Variants in ADGRB3 observed in about 807,000 individuals in gnomAD.
ADGRB3 encodes adhesion G protein-coupled receptor B3.
ADGRB3 carries 37 observed loss-of-function variants against 193.4 expected under a neutral mutation model. That is an observed-to-expected ratio of 0.19 (90% CI 0.15 to 0.25). The LOEUF is 0.25. Ranked by LOEUF, ADGRB3 falls within the 10% of genes least tolerant of loss-of-function variation. The probability of loss-of-function intolerance (pLI) is 1.00; values close to 1 mark genes in which losing one functional copy is unlikely to be tolerated. For synonymous variants in ADGRB3, 690 were observed against 644.2 expected, an observed-to-expected ratio of 1.07 and a Z score of -1.08; for missense variants, 1,637 against 1,852.9, an observed-to-expected ratio of 0.88 and a Z score of 2.14.
At chr6:68,817,817 T>C (rs1020273263) in intron 3 of ADGRB3, among the ~76,000 whole-genome samples, 1 of 152,188 alleles carries the variant, frequency 6.6e-6, no homozygotes, top group Non-Finnish European at 1.5e-5. Flanking sequence ...AGAAAACTTG[T>C]ATGGTAGAAT....
chr6:69,018,113 G>A (rs901843799), intron 12 of ADGRB3, among the ~76,000 whole-genome samples: 3 of 151,880 alleles, frequency 2.0e-5, no homozygotes, highest in African/African-American at 4.8e-5. Flanking sequence ...AAGAAAAGTC[G>A]TCTATTTTTT....
At chr6:69,327,697 A>C (rs1768609817) in intron 21 of ADGRB3, 123 bp from the exon 22 acceptor site, 1 of 620,322 alleles carries the variant, frequency 1.6e-6, no homozygotes, top group Non-Finnish European at 2.6e-6. Flanking sequence ...ATACCTTGTG[A>C]AGTGACTCAT....
In ADGRB3 at chr6:68,937,579, G is replaced by A. The variant is rs138594233; in HGVS notation, c.1030+899G>A. On this transcript the variant is annotated intron_variant, in intron 5 of 31. Coordinates refer to ENST00000370598, the MANE Select transcript of ADGRB3 (RefSeq NM_001704.3). ...TTCCAGGGACCTCCAAAAGGGGATG[G>A]GTGTAAAGAAAGTGACTTGCACTGC... Among the ~76,000 whole-genome samples, 13 of 152,260 alleles carry A rather than the reference G, an allele frequency of 8.5e-5. No individual in the cohort carries two copies. In the East Asian group the frequency reaches 2.5e-3, roughly 29 times the overall value.
chr6:68,734,509 T>C (rs1281034876), intron 3 of ADGRB3, among the ~76,000 whole-genome samples: 1 of 151,994 alleles, frequency 6.6e-6, no homozygotes, highest in African/African-American at 2.4e-5. Flanking sequence ...AACATTGAAT[T>C]TGAGGTCATG....
chr6:69,186,178 CAAA>C (rs70987457), intron 17 of ADGRB3, among the ~76,000 whole-genome samples: 95 of 107,434 alleles, frequency 8.8e-4, no homozygotes, highest in African/African-American at 2.7e-3. Context: ...AATGAAATAG[CAAA>C]AAAAAAAAAA....
intron 17 of ADGRB3, among the ~76,000 whole-genome samples, chr6:69,160,740 G>C (rs1774962961): frequency 1.3e-5 from 2 of 151,974 alleles, no homozygotes; most frequent in African/African-American, 4.8e-5. Context: ...AATGTTTATA[G>C]GCATATAATA....
At chr6:68,849,227 T>A (rs1768348582) in intron 3 of ADGRB3, among the ~76,000 whole-genome samples, 1 of 152,010 alleles carries the variant, frequency 6.6e-6, no homozygotes, top group South Asian at 2.1e-4. Flanking sequence ...CCTAATATAT[T>A]TGTATTAATA....
rs551358535 is a variant in ADGRB3 at position 68,782,385 on chromosome 6, G to C, written c.757+142953G>C. ...TCCAGTCTATCATTGTTGGACATTT[G>C]AGTTGGTTCCAAGTCTTTGCTATTG... On this transcript the variant is annotated intron_variant, in intron 3 of 31. Transcript: ENST00000370598. Among the ~76,000 whole-genome samples, 278 of 151,898 alleles carry C rather than the reference G, an allele frequency of 1.8e-3. 3 individuals are homozygous for C. The highest frequency in any genetic ancestry group is 6.5e-3 in the African/African-American group (268 of 41,446).
At position 68,790,225 on chromosome 6, in the gene ADGRB3, G is replaced by A. The variant is rs60915594; in HGVS notation, c.758-140334G>A. 3.6e-3 allele frequency among the ~76,000 whole-genome samples: 554 copies of A among 152,106 alleles called. 3 individuals carry two copies. Among genetic ancestry groups the A allele is most frequent in the African/African-American group, 0.012 (516 of 41,436 alleles). ...ACAGAGACAAAATTGCTAGCACAGC[G>A]TCCGAGATCAAACTGCAAGGCAGCA... On this transcript the variant is annotated intron_variant, in intron 3 of 31. Coordinates refer to ENST00000370598, the MANE Select transcript of ADGRB3 (RefSeq NM_001704.3).
chr6:69,374,449 T>G (rs1430637913), intron 30 of ADGRB3, among the ~76,000 whole-genome samples: 1 of 152,018 alleles, frequency 6.6e-6, no homozygotes, highest in East Asian at 1.9e-4. Flanking sequence ...ATGGCCAGCT[T>G]AAATATTTTG....
At chr6:68,642,796 G>A (rs1582092352) in intron 3 of ADGRB3, among the ~76,000 whole-genome samples, 3 of 147,952 alleles carry the variant, frequency 2.0e-5, no homozygotes, top group South Asian at 4.3e-4. Context: ...AACATATAAT[G>A]GCTATAACTT....
At chr6:68,955,742 G>A (rs975766039) in intron 6 of ADGRB3, among the ~76,000 whole-genome samples, 3 of 151,690 alleles carry the variant, frequency 2.0e-5, no homozygotes, top group Admixed American at 1.3e-4. Context: ...TAGTCAGCTG[G>A]GATCATGCCG....
At chr6:69,175,713 G>A (rs185717152) in intron 17 of ADGRB3, among the ~76,000 whole-genome samples, 96 of 152,170 alleles carry the variant, frequency 6.3e-4, no homozygotes, top group African/African-American at 2.2e-3. Context: ...CATTGAATTC[G>A]TAGATTGCCT....
chr6:69,061,618 T>C (rs931690713), intron 15 of ADGRB3, among the ~76,000 whole-genome samples: 2 of 152,200 alleles, frequency 1.3e-5, no homozygotes, highest in South Asian at 4.1e-4. Flanking sequence ...CTATTATTTC[T>C]AAAGGCTAAA....
At chr6:69,017,965 A>T (rs563566190) in intron 12 of ADGRB3, among the ~76,000 whole-genome samples, 114 of 152,052 alleles carry the variant, frequency 7.5e-4, no homozygotes, top group African/African-American at 2.5e-3. Context: ...CAATAACTTA[A>T]TAGTTTGTAA....
intron 3 of ADGRB3, among the ~76,000 whole-genome samples, chr6:68,869,966 A>T (rs1765410909): frequency 6.6e-6 from 1 of 152,114 alleles, no homozygotes; most frequent in South Asian, 2.1e-4. Context: ...TTTAGTAGAG[A>T]CGGGATTTCA....
intron 20 of ADGRB3, among the ~76,000 whole-genome samples, chr6:69,261,180 C>A (rs746733623): frequency 7.2e-5 from 11 of 152,232 alleles, no homozygotes; most frequent in African/African-American, 9.6e-5. Context: ...ATAGCTGCGG[C>A]CTTTCTTAAT....
intron 3 of ADGRB3, among the ~76,000 whole-genome samples, chr6:68,901,748 A>T (rs1766399540): frequency 6.6e-6 from 1 of 152,210 alleles, no homozygotes; most frequent in Non-Finnish European, 1.5e-5. Flanking sequence ...AATTCTTGTA[A>T]AATAATCTTA....
rs888798341 is a variant in ADGRB3, at chr6:68,829,636, C to T, written c.758-100923C>T. ...TTTTTAACAAAACCATATTATTACT[C>T]AAGGTCCTGATTTTTATAAATGTAA... On this transcript the variant is annotated intron_variant, in intron 3 of 31. Coordinates refer to ENST00000370598, the MANE Select transcript of ADGRB3 (RefSeq NM_001704.3). Among the ~76,000 whole-genome samples the T allele has an allele frequency of 3.3e-5, 5 of 152,228 alleles. No homozygotes were observed. In the East Asian group the frequency reaches 5.8e-4, roughly 18 times the overall value.
Sources: gnomAD v4.1 joint callset for allele counts (sites outside exome capture counted in the v4.1 genomes callset) on GRCh38, gnomAD v4.1.1 for gene constraint, MANE v1.5 for transcripts, NCBI Gene and HGNC (gene_info 2026-07-23, HGNC 2026-07-21) for gene names.